CDH12: variants seen among roughly 807,000 people sequenced by gnomAD.
The protein encoded by CDH12 is cadherin-12.
A neutral mutation model predicts 74.1 loss-of-function variants in CDH12; 41 were observed. The observed-to-expected ratio is 0.55, with a 90% CI of 0.43 to 0.72. The LOEUF (loss-of-function observed/expected upper bound fraction) is 0.72. Ranked by LOEUF, CDH12 falls within the 30% of genes least tolerant of loss-of-function variation. The pLI, the probability that CDH12 is intolerant of heterozygous loss-of-function variation, is 0.00. For missense variants in CDH12, 945 were observed against 977.2 expected (o/e 0.97, Z 0.44); for synonymous variants, 399 against 355.0 (o/e 1.12, Z -1.39).
chr5:22,439,510 T>C (rs1744537444), intron 2 of CDH12, among the ~76,000 whole-genome samples: 1 of 152,090 alleles, frequency 6.6e-6, no homozygotes, highest in African/African-American at 2.4e-5. Context: ...CTGAGTTTAA[T>C]AGAGGCAATA....
intron 14 of CDH12, among the ~76,000 whole-genome samples, chr5:21,753,653 A>G (rs1164420657): frequency 6.6e-6 from 1 of 152,192 alleles, no homozygotes; most frequent in Admixed American, 6.6e-5. Flanking sequence ...GATTAGATGG[A>G]TTTTAAGCAG....
intron 1 of CDH12, among the ~76,000 whole-genome samples, chr5:22,767,216 C>T (rs894949817): frequency 6.6e-6 from 1 of 151,798 alleles, no homozygotes. Context: ...TAAACAATCT[C>T]ATGGTAAAAA....
At chr5:22,507,826 T>TCAAGGTGTC (rs1736445521) in intron 1 of CDH12, among the ~76,000 whole-genome samples, 1 of 152,174 alleles carries the variant, frequency 6.6e-6, no homozygotes, top group South Asian at 2.1e-4. Flanking sequence ...TGAGATGAAA[T>TCAAGGTGTC]CAAGGTGTCA....
chr5:22,057,999 T>TTCTATCTATCTATCTATCTA (rs79909356), intron 5 of CDH12, among the ~76,000 whole-genome samples: 2 of 149,256 alleles, frequency 1.3e-5, no homozygotes, highest in African/African-American at 2.5e-5. Flanking sequence ...TTTCCTTGTA[T>TTCTATCTATCTATCTATCTA]TCTATCTATC....
chr5:21,854,590 G>C, intron 7 of CDH12, 81 bp downstream of exon 7: 5 of 1,159,380 alleles, frequency 4.3e-6, no homozygotes, highest in Non-Finnish European at 6.2e-6. Flanking sequence ...ATTAGAATAT[G>C]CAACTCCCCA....
chr5:22,228,303 C>A (rs1338992454), intron 3 of CDH12, among the ~76,000 whole-genome samples: 2 of 152,018 alleles, frequency 1.3e-5, no homozygotes, highest in African/African-American at 2.4e-5. Context: ...AAATATAACA[C>A]CGTAGCAGCA....
chr5:22,566,441 T>C (rs1049178758), intron 1 of CDH12, among the ~76,000 whole-genome samples: 1 of 152,088 alleles, frequency 6.6e-6, no homozygotes, highest in South Asian at 2.1e-4. Flanking sequence ...AGTTTCACCA[T>C]GTTGGCCAGG....
At chr5:21,888,989 T>C (rs562640019) in intron 6 of CDH12, among the ~76,000 whole-genome samples, 19 of 152,214 alleles carry the variant, frequency 1.2e-4, no homozygotes, top group Admixed American at 6.5e-4. Flanking sequence ...GTTGCTGATA[T>C]AGTAATTTAT....
At chr5:22,295,239 A>C (rs1204703932) in intron 3 of CDH12, among the ~76,000 whole-genome samples, 1 of 152,088 alleles carries the variant, frequency 6.6e-6, no homozygotes, top group Non-Finnish European at 1.5e-5. Context: ...TTAATGAGTA[A>C]TATATTGCTA....
intron 2 of CDH12, among the ~76,000 whole-genome samples, chr5:22,458,599 A>G (rs1295914006): frequency 6.6e-6 from 1 of 152,214 alleles, no homozygotes; most frequent in African/African-American, 2.4e-5. Context: ...CACAATTTCT[A>G]TTACATTATT....
chr5:22,004,755 A>T (rs1736838162), intron 5 of CDH12, among the ~76,000 whole-genome samples: 1 of 152,192 alleles, frequency 6.6e-6, no homozygotes, highest in African/African-American at 2.4e-5. Context: ...TCACCCATAA[A>T]GTAAACATTG....
chr5:22,228,368 A>G (rs1461211703), intron 3 of CDH12, among the ~76,000 whole-genome samples: 1 of 152,112 alleles, frequency 6.6e-6, no homozygotes, highest in Non-Finnish European at 1.5e-5. Flanking sequence ...TGTGTGTATA[A>G]GTGTTACTTT....
intron 11 of CDH12, among the ~76,000 whole-genome samples, chr5:21,773,800 A>G (rs745332641): frequency 6.6e-5 from 10 of 152,048 alleles, no homozygotes; most frequent in Non-Finnish European, 1.0e-4. Flanking sequence ...TTGTACTAAG[A>G]AAATATCTTT....
chr5:22,016,882 A>G (rs1737643255), intron 5 of CDH12, among the ~76,000 whole-genome samples: 1 of 152,062 alleles, frequency 6.6e-6, no homozygotes, highest in African/African-American at 2.4e-5. Context: ...TTCCTTCAAT[A>G]ACTGGGGATA....
intron 7 of CDH12, among the ~76,000 whole-genome samples, chr5:21,844,366 C>T (rs1750042346): frequency 6.6e-6 from 1 of 152,014 alleles, no homozygotes; most frequent in South Asian, 2.1e-4. Flanking sequence ...AAAACATACA[C>T]ATAACTACAT....
intron 5 of CDH12, among the ~76,000 whole-genome samples, chr5:22,047,292 T>C (rs994868170): frequency 3.3e-5 from 5 of 152,188 alleles, no homozygotes; most frequent in Admixed American, 1.3e-4. Flanking sequence ...CTGTAACTTA[T>C]AGACCCTTGT....
At chr5:22,651,767 C>G (rs1739754000) in intron 1 of CDH12, among the ~76,000 whole-genome samples, 1 of 151,136 alleles carries the variant, frequency 6.6e-6, no homozygotes, top group Non-Finnish European at 1.5e-5. Context: ...ACAAAGATGC[C>G]CAAATCTGAA....
intron 2 of CDH12, among the ~76,000 whole-genome samples, chr5:22,464,391 T>A (rs976983058): frequency 1.1e-4 from 17 of 152,232 alleles, no homozygotes; most frequent in African/African-American, 3.4e-4. Flanking sequence ...TCCTTTCTTT[T>A]GTTCTTTCCT....
chr5:21,998,980 T>A (rs779367100), intron 5 of CDH12, among the ~76,000 whole-genome samples: 5 of 152,212 alleles, frequency 3.3e-5, no homozygotes, highest in Admixed American at 1.3e-4. Context: ...TGAAAGTATT[T>A]CATCTTAAAG....
Sources: gnomAD v4.1 joint callset for allele counts (sites outside exome capture counted in the v4.1 genomes callset) on GRCh38, gnomAD v4.1.1 for gene constraint, MANE v1.5 for transcripts, NCBI Gene and HGNC (gene_info 2026-07-23, HGNC 2026-07-21) for gene names.